The following MACROD2 variants were observed in gnomAD, a reference collection of about 807,000 sequenced individuals.
MACROD2 encodes the protein ADP-ribose glycohydrolase MACROD2.
Under a neutral mutation model 70.4 loss-of-function variants are expected in MACROD2, and 36 were observed. The ratio of observed to expected loss-of-function variants is 0.51; its 90% CI spans 0.39 to 0.68. The LOEUF is 0.68. MACROD2 is among the 30% of genes least tolerant of loss of function. The probability of loss-of-function intolerance (pLI) is 0.00; values close to 1 mark genes in which losing one functional copy is unlikely to be tolerated. For synonymous variants in MACROD2, 172 were observed against 178.8 expected (o/e 0.96, Z 0.30); for missense variants, 496 against 538.4 (o/e 0.92, Z 0.78).
intron 8 of MACROD2, among the ~76,000 whole-genome samples, chr20:15,660,547 T>C (rs976942804): frequency 9.8e-5 from 15 of 152,342 alleles, no homozygotes; most frequent in African/African-American, 3.6e-4. Flanking sequence ...TATTTCAGGC[T>C]TTTAATTTCC....
chr20:15,005,861 A>G (rs558584219), intron 5 of MACROD2, among the ~76,000 whole-genome samples: 4 of 152,254 alleles, frequency 2.6e-5, no homozygotes, highest in Non-Finnish European at 5.9e-5. Context: ...TAACTGTGTA[A>G]ACATACTAAC....
chr20:14,591,303 G>C (rs1396767609), intron 4 of MACROD2, among the ~76,000 whole-genome samples: 1 of 152,048 alleles, frequency 6.6e-6, no homozygotes, highest in African/African-American at 2.4e-5. Flanking sequence ...AGGACACAAG[G>C]CTGTTAACAT....
chr20:15,181,592 C>CT (rs890008587), intron 5 of MACROD2, among the ~76,000 whole-genome samples: 2 of 152,024 alleles, frequency 1.3e-5, no homozygotes, highest in African/African-American at 2.4e-5. Context: ...GTTATATAAC[C>CT]TTTTTTTGCT....
intron 4 of MACROD2, among the ~76,000 whole-genome samples, chr20:14,546,564 T>G (rs1019359897): frequency 6.6e-6 from 1 of 152,154 alleles, no homozygotes. Flanking sequence ...ATCCACATTT[T>G]CCACTTTTCT....
chr20:15,491,158 A>G (rs75280424), intron 7 of MACROD2, among the ~76,000 whole-genome samples: 3,847 of 152,284 alleles, frequency 0.025, 159 homozygotes, highest in African/African-American at 0.087. Context: ...TGTCTTGTCT[A>G]GTGAGCCAGG....
At chr20:14,765,091 A>C (rs1309167867) in intron 5 of MACROD2, among the ~76,000 whole-genome samples, 2 of 152,156 alleles carry the variant, frequency 1.3e-5, no homozygotes, top group Non-Finnish European at 2.9e-5. Flanking sequence ...TGCCCTCTTT[A>C]AATTTGAGAA....
intron 5 of MACROD2, among the ~76,000 whole-genome samples, chr20:15,061,994 G>C (rs2075536250): frequency 6.6e-6 from 1 of 152,202 alleles, no homozygotes; most frequent in South Asian, 2.1e-4. Flanking sequence ...GAGAGTTAGA[G>C]GAGAGCAGGC....
intron 7 of MACROD2, among the ~76,000 whole-genome samples, chr20:15,493,754 T>C (rs2047260228): frequency 6.6e-6 from 1 of 152,222 alleles, no homozygotes; most frequent in Non-Finnish European, 1.5e-5. Flanking sequence ...TTGGAACCAT[T>C]CTGGGTTTTC....
chr20:14,266,533 G>A (rs76352623), intron 3 of MACROD2, among the ~76,000 whole-genome samples: 2,312 of 152,162 alleles, frequency 0.015, 24 homozygotes, highest in African/African-American at 0.027. Flanking sequence ...TCTGGGCATA[G>A]ACATCTAGCA....
chr20:15,691,956 CA>C (rs1344525705), intron 8 of MACROD2, among the ~76,000 whole-genome samples: 1 of 152,172 alleles, frequency 6.6e-6, no homozygotes, highest in Non-Finnish European at 1.5e-5. Context: ...ATATAGTTTT[CA>C]AGTACCGGAC....
At chr20:15,130,776 G>A (rs1329243320) in intron 5 of MACROD2, among the ~76,000 whole-genome samples, 1 of 152,066 alleles carries the variant, frequency 6.6e-6, no homozygotes, top group Non-Finnish European at 1.5e-5. Context: ...TTGCCTTAAT[G>A]CCTTATCTCT....
At position 13,995,548 on chromosome 20, in the gene MACROD2, C is replaced by G; in HGVS notation, c.-216C>G. 2 of 638,810 alleles carry G rather than the reference C, an allele frequency of 3.1e-6. No individual in the cohort carries two copies. Among genetic ancestry groups the G allele is most frequent in the Admixed American group, 2.3e-5 (1 of 42,984 alleles). The allele number at this position is 638,810 out of a possible 1,614,324, so 39.6% of individuals were successfully genotyped here. On this transcript the variant is annotated 5_prime_UTR_variant, in exon 1 of 18. Transcript: ENST00000684519. The surrounding 1 kb of genome is among the most constrained non-coding windows in gnomAD (Gnocchi z 4.3). ...TCTGAGGTGCTGCTGTGGCGGCGTC[C>G]GCGGGGCTGAGGCGGGTGGGAGCCG...
chr20:14,524,498 G>T (rs2123186154), intron 4 of MACROD2, among the ~76,000 whole-genome samples: 2 of 151,240 alleles, frequency 1.3e-5, no homozygotes, highest in South Asian at 4.2e-4. Context: ...TAATAAATTG[G>T]AATCTCACTT....
At chr20:14,394,367 T>C (rs185110285) in intron 3 of MACROD2, among the ~76,000 whole-genome samples, 3 of 152,358 alleles carry the variant, frequency 2.0e-5, no homozygotes, top group Admixed American at 2.0e-4. Flanking sequence ...ATATTTTTGA[T>C]GCTATGGTAA....
At chr20:15,804,343 T>C (rs1045069424) in intron 8 of MACROD2, among the ~76,000 whole-genome samples, 10 of 152,218 alleles carry the variant, frequency 6.6e-5, no homozygotes, top group African/African-American at 2.2e-4. Context: ...CCTCACTTTG[T>C]TTTAAAGGCA....
chr20:15,177,652 G>A (rs2145897739), intron 5 of MACROD2, among the ~76,000 whole-genome samples: 1 of 152,306 alleles, frequency 6.6e-6, no homozygotes, highest in Middle Eastern at 3.4e-3. Context: ...TGAATGTGAT[G>A]TTTGCTGGTA....
rs375914168 is a variant in MACROD2 at position 15,670,515 on chromosome 20, A to G, written c.645+170668A>G. On this transcript the variant is annotated intron_variant, in intron 8 of 17. Coordinates refer to ENST00000684519, the MANE Select transcript of MACROD2 (RefSeq NM_001351661.2). ...ATGTTAAGGACACTTTTCTAGGCAA[A>G]AACCTCCTGATTGCCTGTTGCTGTG... Among the ~76,000 whole-genome samples, 15 of 152,238 alleles carry G rather than the reference A, an allele frequency of 9.9e-5. No homozygotes were observed. In the East Asian group the frequency reaches 1.5e-3, roughly 16 times the overall value.
intron 8 of MACROD2, among the ~76,000 whole-genome samples, chr20:15,533,542 TCG>T (rs1277213548): frequency 2.5e-5 from 3 of 120,678 alleles, no homozygotes; most frequent in African/African-American, 7.1e-5. Flanking sequence ...TCTGTCTCTG[TCG>T]CTCTCTCTCT....
intron 5 of MACROD2, among the ~76,000 whole-genome samples, chr20:15,223,865 C>T (rs1178888512): frequency 6.6e-6 from 1 of 152,104 alleles, no homozygotes; most frequent in African/African-American, 2.4e-5. Flanking sequence ...CATTGGCAAC[C>T]AGTAGAATAT....
Sources: gnomAD v4.1 joint callset for allele counts (sites outside exome capture counted in the v4.1 genomes callset) on GRCh38, gnomAD v4.1.1 for gene constraint, Gnocchi (gnomAD v3.1) non-coding constraint, MANE v1.5 for transcripts, NCBI Gene and HGNC (gene_info 2026-07-23, HGNC 2026-07-21) for gene names.